The following NHEJ1 variants were observed in gnomAD, a reference collection of about 807,000 sequenced individuals.
NHEJ1 encodes non-homologous end joining factor 1, also known as non-homologous end-joining factor 1.
A neutral mutation model predicts 39.4 loss-of-function variants in NHEJ1; 22 were observed. That is an observed-to-expected ratio of 0.56 (90% confidence interval 0.40 to 0.80). The LOEUF (loss-of-function observed/expected upper bound fraction) is 0.80. Among genes scored for constraint, NHEJ1 ranks in the 30% least tolerant of loss-of-function variants. NHEJ1 has a pLI of 0.00. For missense variants in NHEJ1, 329 were observed against 357.1 expected, an observed-to-expected ratio of 0.92 and a Z score of 0.63; for synonymous variants, 154 against 135.6, an observed-to-expected ratio of 1.14 and a Z score of -0.94.
Position 219,075,081 on chromosome 2 carries a change from G to C in NHEJ1, c.*1300C>G, listed in dbSNP as rs1322429646. Among the ~76,000 whole-genome samples, 1 of 152,132 alleles carries C rather than the reference G, an allele frequency of 6.6e-6. No homozygotes were observed. Among genetic ancestry groups the C allele is most frequent in the African/African-American group, 2.4e-5 (1 of 41,424 alleles). On this transcript the variant is annotated 3_prime_UTR_variant, in exon 8 of 8. Coordinates refer to ENST00000356853, the MANE Select transcript of NHEJ1 (RefSeq NM_024782.3). ...GAAAGAAGAACCTAATGTCCTTTCTGGAAAATAAATGTTTTCATTAGTGTA... is the reference window on the plus strand; with the variant it reads ...GAAAGAAGAACCTAATGTCCTTTCTCGAAAATAAATGTTTTCATTAGTGTA...
At position 219,071,506 on chromosome 2, in the gene NHEJ1, G is replaced by C. The variant is rs561632835; in HGVS notation, c.*4875C>G. 6.6e-6 allele frequency among the ~76,000 whole-genome samples: 1 copy of C among 152,304 alleles called. No homozygotes were observed. Among genetic ancestry groups the C allele is most frequent in the East Asian group, 1.9e-4 (1 of 5,190 alleles). On this transcript the variant is annotated 3_prime_UTR_variant, in exon 8 of 8. Transcript: ENST00000356853. ...AGACAACAATGCCGAGCTGGGATGGGCTTCCCCTTCCAGCTGCCAATATGA... is the reference window on the plus strand; with the variant it reads ...AGACAACAATGCCGAGCTGGGATGGCCTTCCCCTTCCAGCTGCCAATATGA...
At position 219,111,518 on chromosome 2, in the gene NHEJ1, C is replaced by T. The variant is rs1044403048; in HGVS notation, c.589-33312G>A. 6.6e-6 allele frequency among the ~76,000 whole-genome samples: 1 copy of T among 152,154 alleles called. No homozygotes were observed. Among genetic ancestry groups the T allele is most frequent in the Non-Finnish European group, 1.5e-5 (1 of 68,038 alleles). On this transcript the variant is annotated intron_variant, in intron 5 of 7. Coordinates refer to ENST00000356853, the MANE Select transcript of NHEJ1 (RefSeq NM_024782.3). The surrounding 1 kb of genome is among the most constrained non-coding windows in gnomAD (Gnocchi z 4.1). ...CTAGTTATCCCACACGCTTGGCCCA[C>T]TCCCCTTATCTAGATCCCTTTAGCC...
At chr2:219,095,358 G>A (rs1415809905) in intron 5 of NHEJ1, 1 of 470,728 alleles carries the variant, frequency 2.1e-6, no homozygotes, top group African/African-American at 2.0e-5. Context: ...TCTTTTAACT[G>A]AGAGATGATA....
At chr2:219,145,802 C>G (rs1314525361) in intron 5 of NHEJ1, among the ~76,000 whole-genome samples, 5 of 151,974 alleles carry the variant, frequency 3.3e-5, no homozygotes, top group African/African-American at 1.2e-4. Flanking sequence ...TGTGGTGGCA[C>G]ATGCCTGTAA....
chr2:219,136,087 C>A (rs1276190674), intron 5 of NHEJ1, among the ~76,000 whole-genome samples: 1 of 152,152 alleles, frequency 6.6e-6, no homozygotes, highest in African/African-American at 2.4e-5. Flanking sequence ...TGTAATATGA[C>A]TGGCCCCTGC....
intron 5 of NHEJ1, among the ~76,000 whole-genome samples, chr2:219,137,061 C>A (rs1949637462): frequency 6.9e-6 from 1 of 144,644 alleles, no homozygotes; most frequent in Non-Finnish European, 1.5e-5. Flanking sequence ...GTCTTTTTAG[C>A]TCTTCTTGAG....
chr2:219,120,298 T>A (rs1221771336), intron 5 of NHEJ1, among the ~76,000 whole-genome samples: 1 of 152,168 alleles, frequency 6.6e-6, no homozygotes, highest in East Asian at 1.9e-4. Context: ...AGGTCCATAC[T>A]CTCAGAAAGG....
intron 2 of NHEJ1, 37 bp downstream of exon 2, chr2:219,158,149 A>G: frequency 6.2e-7 from 1 of 1,612,018 alleles, no homozygotes; most frequent in African/African-American, 1.3e-5. Context: ...GTTGATGTTC[A>G]CATCCCCGAC....
At chr2:219,095,068 G>C (rs1252792778) in intron 5 of NHEJ1, among the ~76,000 whole-genome samples, 4 of 152,158 alleles carry the variant, frequency 2.6e-5, no homozygotes, top group Non-Finnish European at 5.9e-5. Context: ...AGAGCACCTA[G>C]GAGGATCTAA....
At chr2:219,093,555 G>T (rs141097629) in intron 5 of NHEJ1, among the ~76,000 whole-genome samples, 1 of 152,276 alleles carries the variant, frequency 6.6e-6, no homozygotes, top group Non-Finnish European at 1.5e-5. Flanking sequence ...GACAGATGTA[G>T]ATCTGGGGCC....
chr2:219,110,873 CT>C (rs1204466486), intron 5 of NHEJ1, among the ~76,000 whole-genome samples: 3 of 152,138 alleles, frequency 2.0e-5, no homozygotes, highest in Non-Finnish European at 4.4e-5. Flanking sequence ...AGCGCTCCTC[CT>C]CCATTTCAGA....
At chr2:219,112,629 C>T (rs1044283652) in intron 5 of NHEJ1, among the ~76,000 whole-genome samples, 6 of 152,116 alleles carry the variant, frequency 3.9e-5, no homozygotes, top group Non-Finnish European at 8.8e-5. Context: ...AAAAGTCATA[C>T]TCAGGTTGCA....
chr2:219,137,595 A>AAAAAAAAAAAAAAAAAAC lies in NHEJ1; in HGVS notation c.588+9084_588+9085insGTTTTTTTTTTTTTTTTT, dbSNP rs143557047. Among the ~76,000 whole-genome samples, 12 of 82,664 alleles carry AAAAAAAAAAAAAAAAAAC rather than the reference A, an allele frequency of 1.5e-4. 1 individual carries two copies. Among genetic ancestry groups the AAAAAAAAAAAAAAAAAAC allele is most frequent in the East Asian group, 2.6e-4 (1 of 3,896 alleles). 54.2% of individuals were successfully genotyped at this position (82,664 alleles called of 152,430 possible). On this transcript the variant is annotated intron_variant, in intron 5 of 7. Transcript: ENST00000356853. The stretch of plus-strand genomic sequence containing the variant: ...CAAAAAAAAAAAAAAAAAAAAAACA[A>AAAAAAAAAAAAAAAAAAC]AAAAAACTGAAAACCACCTTCAGAA...
At chr2:219,084,904 G>C (rs1559187043) in intron 5 of NHEJ1, among the ~76,000 whole-genome samples, 1 of 152,152 alleles carries the variant, frequency 6.6e-6, no homozygotes. Context: ...AGCACACAAA[G>C]CACAAACAGC....
Position 219,074,973 on chromosome 2 carries a change from T to C in NHEJ1, c.*1408A>G, listed in dbSNP as rs903869368. On this transcript the variant is annotated 3_prime_UTR_variant, in exon 8 of 8. Transcript: ENST00000356853. ...AAGTCCTGGAGTCCTCAAGAGCTCCTTCCTTGAAGAGCCCCTGGGGAGCAG... is the reference window on the plus strand; with the variant it reads ...AAGTCCTGGAGTCCTCAAGAGCTCCCTCCTTGAAGAGCCCCTGGGGAGCAG... 3.3e-5 allele frequency among the ~76,000 whole-genome samples: 5 copies of C among 152,224 alleles called. No homozygotes were observed. The highest frequency in any genetic ancestry group is 6.5e-5 in the Admixed American group (1 of 15,292).
chr2:219,101,960 G>C (rs139896395), intron 5 of NHEJ1, among the ~76,000 whole-genome samples: 2,457 of 151,700 alleles, frequency 0.016, 70 homozygotes, highest in African/African-American at 0.056. Flanking sequence ...TCCTGACCTC[G>C]TGATCCGCCC....
rs560579947 is a variant in NHEJ1, at chr2:219,081,543, G to A, written c.589-3337C>T. On this transcript the variant is annotated intron_variant, in intron 5 of 7. Coordinates refer to ENST00000356853, the MANE Select transcript of NHEJ1 (RefSeq NM_024782.3). ...AAAAAAGTTACTGAGAGTCTACTAT[G>A]TGCCAGGCATTACAGGATTCAAGGC... Among the ~76,000 whole-genome samples the A allele has an allele frequency of 6.6e-5, 10 of 152,302 alleles. No homozygotes were observed. In the South Asian group the frequency reaches 2.1e-3, roughly 32 times the overall value.
At chr2:219,096,569 G>A (rs73991036) in intron 5 of NHEJ1, among the ~76,000 whole-genome samples, 3,729 of 152,272 alleles carry the variant, frequency 0.024, 155 homozygotes, top group African/African-American at 0.084. Flanking sequence ...AGAGTAGGGT[G>A]AAGGATTGGG....
rs576848890 is a variant in NHEJ1 at position 219,074,740 on chromosome 2, TAAAA to T, written c.*1637_*1640del. ...CTAGGCAACAAGAGCAAGACTCCAT[TAAAA>T]AAAAAAAAAAGTAACAAAAGAGCAA... On this transcript the variant is annotated 3_prime_UTR_variant, in exon 8 of 8. Coordinates refer to ENST00000356853, the MANE Select transcript of NHEJ1 (RefSeq NM_024782.3). 1.4e-5 allele frequency among the ~76,000 whole-genome samples: 2 copies of T among 140,372 alleles called. No homozygotes were observed. Among genetic ancestry groups the T allele is most frequent in the Non-Finnish European group, 3.1e-5 (2 of 63,964 alleles). The allele number at this position is 140,372 out of a possible 152,430, so 92.1% of individuals were successfully genotyped here. A position where few individuals can be genotyped will look rare whatever the true frequency, so the allele number is the denominator to read the frequency against.
Sources: allele counts gnomAD v4.1 joint callset (sites outside exome capture counted in the v4.1 genomes callset), GRCh38; gene constraint gnomAD v4.1.1; non-coding constraint Gnocchi (gnomAD v3.1); transcripts MANE v1.5; gene names NCBI Gene and HGNC (gene_info 2026-07-23, HGNC 2026-07-21).